The following WARS2 variants were observed in gnomAD, a reference collection of about 807,000 sequenced individuals.
WARS2 encodes the protein tryptophanyl tRNA synthetase 2, mitochondrial.
WARS2 carries 28 observed loss-of-function variants against 36.5 expected under a neutral mutation model. The ratio of observed to expected loss-of-function variants is 0.77; its 90% confidence interval spans 0.57 to 1.05. WARS2 has a LOEUF of 1.05. Ranked by LOEUF, WARS2 falls within the 50% of genes least tolerant of loss-of-function variation. WARS2 has a pLI of 0.00. For missense variants in WARS2, 435 were observed against 456.8 expected (o/e 0.95, Z 0.44); for synonymous variants, 174 against 178.4 (o/e 0.98, Z 0.20).
chr1:119,098,867 G>T (rs1334389699), intron 1 of WARS2, among the ~76,000 whole-genome samples: 1 of 152,126 alleles, frequency 6.6e-6, no homozygotes, highest in Admixed American at 6.5e-5. Context: ...CTTCCGAGTA[G>T]TTGGGATTAC....
At chr1:119,106,965 G>C (rs1221745791) in intron 1 of WARS2, among the ~76,000 whole-genome samples, 1 of 152,114 alleles carries the variant, frequency 6.6e-6, no homozygotes, top group Non-Finnish European at 1.5e-5. Flanking sequence ...ATTCTTGCCA[G>C]CATTTGGAGG....
intron 4 of WARS2, among the ~76,000 whole-genome samples, chr1:119,036,054 A>T (rs181637389): frequency 6.6e-6 from 1 of 152,012 alleles, no homozygotes; most frequent in African/African-American, 2.4e-5. Flanking sequence ...AAAATACATA[A>T]TTAGCTGGGT....
chr1:119,126,742 C>A lies in WARS2; in HGVS notation c.90+13813G>T, dbSNP rs1655685646. The A allele has an allele frequency of 4.1e-6, 3 of 735,656 alleles. No individual in the cohort carries two copies. In the East Asian group the frequency reaches 7.4e-5, roughly 18 times the overall value. The allele number at this position is 735,656 out of a possible 1,614,324, so 45.6% of individuals were successfully genotyped here. On this transcript the variant is annotated intron_variant, in intron 1 of 5. Coordinates refer to ENST00000235521, the MANE Select transcript of WARS2 (RefSeq NM_015836.4). ...GGATAAATAGATTGGCAAGCCTTTT[C>A]TATGTCTTTTCCAATACTGTCTGGA...
chr1:119,053,905 A>T (rs1012814151), intron 2 of WARS2, among the ~76,000 whole-genome samples: 8 of 151,882 alleles, frequency 5.3e-5, no homozygotes, highest in African/African-American at 1.9e-4. Context: ...ATTTTTTTTT[A>T]AATTAGCTAG....
At chr1:119,073,628 T>C (rs1029686826) in intron 2 of WARS2, among the ~76,000 whole-genome samples, 2 of 152,152 alleles carry the variant, frequency 1.3e-5, no homozygotes, top group Non-Finnish European at 2.9e-5. Flanking sequence ...GTCAAGTCTG[T>C]CCCTTCCACT....
intron 1 of WARS2, among the ~76,000 whole-genome samples, chr1:119,113,458 C>G (rs1274026040): frequency 2.0e-5 from 3 of 152,126 alleles, no homozygotes; most frequent in African/African-American, 7.2e-5. Flanking sequence ...GTTTGTGTCA[C>G]CCCAAAGCTC....
chr1:119,046,115 A>G (rs1225079003), intron 2 of WARS2, among the ~76,000 whole-genome samples: 1 of 152,144 alleles, frequency 6.6e-6, no homozygotes, highest in Non-Finnish European at 1.5e-5. Context: ...TACTTTACAT[A>G]TAAGTGGTGG....
chr1:119,080,581 G>A (rs1394797775), intron 1 of WARS2, among the ~76,000 whole-genome samples: 1 of 152,106 alleles, frequency 6.6e-6, no homozygotes, highest in Non-Finnish European at 1.5e-5. Context: ...GCCTCTAAAT[G>A]GGAACTGGAT....
intron 2 of WARS2, among the ~76,000 whole-genome samples, chr1:119,067,942 A>G (rs1651006957): frequency 6.6e-6 from 1 of 152,220 alleles, no homozygotes; most frequent in African/African-American, 2.4e-5. Context: ...CATGTCACAC[A>G]GGAGCATAGA....
intron 2 of WARS2, among the ~76,000 whole-genome samples, chr1:119,053,286 A>G (rs1165035333): frequency 6.6e-6 from 1 of 152,216 alleles, no homozygotes; most frequent in Non-Finnish European, 1.5e-5. Flanking sequence ...GAAGACAAGG[A>G]AGAGATAGTA....
At chr1:119,132,299 T>C (rs35764711) in intron 1 of WARS2, among the ~76,000 whole-genome samples, 2,732 of 152,258 alleles carry the variant, frequency 0.018, 33 homozygotes, top group Middle Eastern at 0.048. Context: ...CATAGCTTAG[T>C]GGCATGGGAG....
intron 1 of WARS2, among the ~76,000 whole-genome samples, chr1:119,131,676 T>C (rs1436224333): frequency 1.3e-5 from 2 of 152,062 alleles, no homozygotes; most frequent in Admixed American, 6.5e-5. Flanking sequence ...TTAGCCAGGA[T>C]GGTCTTGATC....
intron 1 of WARS2, among the ~76,000 whole-genome samples, chr1:119,129,630 G>A (rs1218003898): frequency 1.3e-5 from 2 of 151,980 alleles, no homozygotes; most frequent in African/African-American, 4.8e-5. Context: ...AAGGAGGATC[G>A]CTTGAGTCCA....
chr1:119,063,702 C>T (rs1275235409), intron 2 of WARS2: 3 of 152,214 alleles, frequency 2.0e-5, no homozygotes, highest in Non-Finnish European at 4.4e-5. Context: ...GGGTGGAAGC[C>T]CCAAGCCTTG....
At chr1:119,056,186 A>ATTTTTTTTT (rs751264352) in intron 2 of WARS2, among the ~76,000 whole-genome samples, 11 of 116,140 alleles carry the variant, frequency 9.5e-5, no homozygotes, top group African/African-American at 2.0e-4. Flanking sequence ...TGCCTGGCTA[A>ATTTTTTTTT]TTTTTTTTTT....
intron 2 of WARS2, among the ~76,000 whole-genome samples, chr1:119,067,933 A>G (rs888747642): frequency 2.0e-5 from 3 of 152,148 alleles, no homozygotes; most frequent in African/African-American, 7.2e-5. Context: ...CTTGTTCATC[A>G]TGTCACACAG....
chr1:119,069,422 C>A (rs72705402), intron 2 of WARS2, among the ~76,000 whole-genome samples: 1 of 152,074 alleles, frequency 6.6e-6, no homozygotes, highest in Non-Finnish European at 1.5e-5. Flanking sequence ...TATAAACCTA[C>A]CAGTATAAAG....
chr1:119,102,568 C>G (rs1012440519), intron 1 of WARS2, among the ~76,000 whole-genome samples: 1 of 152,154 alleles, frequency 6.6e-6, no homozygotes, highest in Non-Finnish European at 1.5e-5. Context: ...TAATCTTTAA[C>G]TCTTTATCAG....
chr1:119,053,041 G>A (rs763501456), intron 2 of WARS2, among the ~76,000 whole-genome samples: 17 of 152,224 alleles, frequency 1.1e-4, no homozygotes, highest in Non-Finnish European at 5.9e-5. Flanking sequence ...GACAGAAAGA[G>A]ATGCCTCTCC....
Sources: allele counts gnomAD v4.1 joint callset (sites outside exome capture counted in the v4.1 genomes callset), GRCh38; gene constraint gnomAD v4.1.1; transcripts MANE v1.5; gene names NCBI Gene and HGNC (gene_info 2026-07-23, HGNC 2026-07-21).